Variants in ATOSA observed in about 807,000 individuals in gnomAD.
ATOSA encodes atos homolog A.
chr15:52,693,085 C>T, the ATOSA span, among the ~76,000 whole-genome samples: 3 of 152,076 alleles, frequency 2.0e-5, no homozygotes, highest in Admixed American at 1.3e-4. Context: ...AGTCAATATG[C>T]TAAAACAGGA....
At chr15:52,652,906 C>T in the ATOSA span, among the ~76,000 whole-genome samples, 5 of 152,274 alleles carry the variant, frequency 3.3e-5, no homozygotes, top group Admixed American at 2.0e-4. Flanking sequence ...AAAAATCCCT[C>T]CCCAGCTTAC....
At chr15:52,683,932 T>A in the ATOSA span, among the ~76,000 whole-genome samples, 2 of 152,348 alleles carry the variant, frequency 1.3e-5, no homozygotes, top group South Asian at 4.1e-4. Flanking sequence ...TCAAAATGTC[T>A]TTTAGAACCC....
At chr15:52,703,688 G>A in the ATOSA span, among the ~76,000 whole-genome samples, 51 of 151,582 alleles carry the variant, frequency 3.4e-4, no homozygotes, top group African/African-American at 1.2e-3. Context: ...ACCGGGGCCT[G>A]TTAGGGGGTG....
chr15:52,649,402 A>G, the ATOSA span: 2 of 152,086 alleles, frequency 1.3e-5, no homozygotes, highest in Admixed American at 6.6e-5. Flanking sequence ...AAAAAGAAAA[A>G]CTCAGATTGT....
chr15:52,596,978 G>C, the ATOSA span, among the ~76,000 whole-genome samples: 2 of 152,068 alleles, frequency 1.3e-5, no homozygotes, highest in African/African-American at 2.4e-5. Context: ...TAGTCATCAG[G>C]GAAATACAAA....
the ATOSA span, chr15:52,678,293 G>C: frequency 1.4e-4 from 85 of 593,420 alleles, no homozygotes; most frequent in East Asian, 2.2e-3. Flanking sequence ...CCTCCGGATC[G>C]AGCACCCCCT....
chr15:52,632,963 C>T, the ATOSA span, among the ~76,000 whole-genome samples: 1,329 of 151,938 alleles, frequency 8.7e-3, 20 homozygotes, highest in African/African-American at 0.03. Context: ...TTTGTAACTG[C>T]AGTAAGTAAA....
At chr15:52,686,284 G>A in the ATOSA span, among the ~76,000 whole-genome samples, 1 of 152,072 alleles carries the variant, frequency 6.6e-6, no homozygotes, top group Non-Finnish European at 1.5e-5. Flanking sequence ...TACTTTTCAT[G>A]GTTAAAAAGA....
the ATOSA span, among the ~76,000 whole-genome samples, chr15:52,650,972 A>G: frequency 1.3e-4 from 20 of 152,328 alleles, no homozygotes; most frequent in African/African-American, 4.3e-4. Context: ...TTATTAAAAC[A>G]CTTTAAAACT....
the ATOSA span, among the ~76,000 whole-genome samples, chr15:52,674,781 T>G: frequency 6.6e-6 from 1 of 151,820 alleles, no homozygotes; most frequent in Admixed American, 6.6e-5. Flanking sequence ...ATCTTGTAAT[T>G]GACCAATATA....
At chr15:52,606,822 T>C in the ATOSA span, among the ~76,000 whole-genome samples, 1 of 152,128 alleles carries the variant, frequency 6.6e-6, no homozygotes, top group Admixed American at 6.6e-5. Flanking sequence ...TAAAACTCTG[T>C]CCAGGAAAGC....
the ATOSA span, among the ~76,000 whole-genome samples, chr15:52,673,962 C>A: frequency 1.3e-5 from 2 of 152,222 alleles, no homozygotes. Context: ...AAAACAAAAA[C>A]CACAAAATAG....
the ATOSA span, among the ~76,000 whole-genome samples, chr15:52,699,235 T>G: frequency 3.3e-5 from 5 of 152,144 alleles, no homozygotes; most frequent in Admixed American, 2.0e-4. Context: ...ACTCTCTGCT[T>G]TCTTGTCTGT....
chr15:52,594,443 A>G, the ATOSA span, among the ~76,000 whole-genome samples: 1 of 152,216 alleles, frequency 6.6e-6, no homozygotes, highest in Non-Finnish European at 1.5e-5. Flanking sequence ...TTTTATATAA[A>G]TATATCAACA....
chr15:52,629,700 G>A, the ATOSA span: 2 of 354,870 alleles, frequency 5.6e-6, no homozygotes, highest in Non-Finnish European at 1.2e-5. Context: ...TACTCGAGAG[G>A]CTGAGGCAGC....
chr15:52,594,982 A>G, the ATOSA span, among the ~76,000 whole-genome samples: 74 of 152,148 alleles, frequency 4.9e-4, no homozygotes, highest in African/African-American at 1.6e-3. Context: ...CCCAACATAT[A>G]CAGAGTCCCA....
At chr15:52,587,487 A>G in the ATOSA span, 1 of 249,706 alleles carries the variant, frequency 4.0e-6, no homozygotes, top group African/African-American at 2.3e-5. Flanking sequence ...TAAAAGAAAG[A>G]AGTTCCTAAC....
chr15:52,606,851 A>C, the ATOSA span, among the ~76,000 whole-genome samples: 1 of 152,220 alleles, frequency 6.6e-6, no homozygotes, highest in Admixed American at 6.5e-5. Flanking sequence ...GTGATAAAGA[A>C]GACAAACTTA....
At chr15:52,614,198 TG>T in the ATOSA span, among the ~76,000 whole-genome samples, 1 of 152,026 alleles carries the variant, frequency 6.6e-6, no homozygotes, top group South Asian at 2.1e-4. Flanking sequence ...CTCCGCCTCC[TG>T]GGTTCAAGCG....
Sources: gnomAD v4.1 joint callset for allele counts (sites outside exome capture counted in the v4.1 genomes callset) on GRCh38, gnomAD v4.1.1 for gene constraint, MANE v1.5 for transcripts, NCBI Gene and HGNC (gene_info 2026-07-23, HGNC 2026-07-21) for gene names.